ZNF468: variants seen among roughly 807,000 people sequenced by gnomAD.
The protein encoded by ZNF468 is zinc finger protein 468, also known as zinc finger protein ZNF468.
A neutral mutation model predicts 7.2 loss-of-function variants in ZNF468; 8 were observed. That is an observed-to-expected ratio of 1.11 (90% CI 0.65 to 2.01). The LOEUF (loss-of-function observed/expected upper bound fraction) is 2.01. ZNF468 is among the 30% of genes most tolerant of loss of function. The pLI, the probability that ZNF468 is intolerant of heterozygous loss-of-function variation, is 0.00. For synonymous variants in ZNF468, 218 were observed against 214.4 expected (o/e 1.02, Z -0.15); for missense variants, 608 against 626.5 (o/e 0.97, Z 0.31).
rs1833986777 is a variant in ZNF468, at chr19:52,849,215, T to C, written c.16-2A>G. 6.2e-7 allele frequency: 1 copy of C among 1,613,616 alleles called. No homozygotes were observed. Among genetic ancestry groups the C allele is most frequent in the Non-Finnish European group, 8.5e-7 (1 of 1,179,728 alleles). ...CACGTCCCTGAATGTCAATAGACCC[T>C]GAAATGAAAACACATTTTAACCAAA... On this transcript the variant is annotated splice_acceptor_variant, in intron 2 of 3. Transcript: ENST00000595646. LOFTEE classifies it high-confidence loss of function.
intron 3 of ZNF468, among the ~76,000 whole-genome samples, chr19:52,843,883 A>G (rs915012997): frequency 6.6e-6 from 1 of 152,112 alleles, no homozygotes; most frequent in Non-Finnish European, 1.5e-5. Flanking sequence ...GCATTTTGGT[A>G]GGCTGAGGTG....
intron 2 of ZNF468, among the ~76,000 whole-genome samples, chr19:52,850,791 C>T (rs1402596803): frequency 4.6e-5 from 7 of 151,464 alleles, no homozygotes; most frequent in African/African-American, 7.3e-5. Flanking sequence ...CCCAGCTACT[C>T]GGGAGGCTGA....
At chr19:52,850,009 A>G (rs1369442585) in intron 2 of ZNF468, among the ~76,000 whole-genome samples, 2 of 152,158 alleles carry the variant, frequency 1.3e-5, no homozygotes, top group East Asian at 1.9e-4. Context: ...ACAAAACACT[A>G]GATGTGAATA....
intron 1 of ZNF468, among the ~76,000 whole-genome samples, chr19:52,855,566 T>C (rs574344365): frequency 1.3e-5 from 2 of 152,198 alleles, no homozygotes; most frequent in East Asian, 3.9e-4. Context: ...AGGTGGAGGG[T>C]TCCCTGCCAG....
rs1339973759 is a variant in ZNF468, at chr19:52,840,634, T to C, written c.*91A>G. 1.3e-6 allele frequency: 2 copies of C among 1,595,584 alleles called. No homozygotes were observed. Among genetic ancestry groups the C allele is most frequent in the Non-Finnish European group, 1.7e-6 (2 of 1,163,812 alleles). ...TTGATTAAAAACCTTGCCACATTCA[T>C]TATGCTTGTAAGGTTTCTCTCCAGT... is the stretch of plus-strand genomic sequence containing the variant. On this transcript the variant is annotated 3_prime_UTR_variant, in exon 4 of 4. Coordinates refer to ENST00000595646, the MANE Select transcript of ZNF468 (RefSeq NM_001008801.2).
intron 2 of ZNF468, among the ~76,000 whole-genome samples, chr19:52,850,375 CTCTT>C (rs1365171347): frequency 7.2e-5 from 11 of 152,064 alleles, no homozygotes; most frequent in Non-Finnish European, 1.6e-4. Flanking sequence ...CACTATGGCA[CTCTT>C]TATACAGGGA....
In ZNF468 at chr19:52,840,186, TCA is replaced by T. The variant is rs576053207; in HGVS notation, c.*537_*538del. On this transcript the variant is annotated 3_prime_UTR_variant, in exon 4 of 4. Coordinates refer to ENST00000595646, the MANE Select transcript of ZNF468 (RefSeq NM_001008801.2). ...GCTGGATTTGTGAATGAAAACTTTG[TCA>T]CATTGTTCACGTTTGTAAGATTTCT... 1.4e-4 allele frequency: 52 copies of T among 382,824 alleles called. No individual in the cohort carries two copies. The highest frequency in any genetic ancestry group is 2.3e-4 in the Non-Finnish European group (45 of 194,236). 23.7% of individuals were successfully genotyped at this position (382,824 alleles called of 1,614,324 possible). A position where few individuals can be genotyped will look rare whatever the true frequency, so the allele number is the denominator to read the frequency against.
At position 52,841,419 on chromosome 19, in the gene ZNF468, A is replaced by G. The variant is rs147320757; in HGVS notation, c.875T>C (p.Leu292Pro). Reference protein sequence around the residue: ...HNSSLFIHKALHTGEKPYECE... With the variant: ...HNSSLFIHKAPHTGEKPYECE... ...TTCATAAGGTTTCTCTCCAGTATGA[A>G]GCGCTTTGTGAATGAAGAGGGATGA... is the stretch of plus-strand genomic sequence containing the variant. Residue 292 changes from leucine to proline, a missense_variant, in exon 4 of 4, where the codon CTT becomes CCT. Physicochemically the swap from Leu to Pro is moderately conservative, Grantham distance 98. Transcript: ENST00000595646. 145 of 1,613,994 alleles carry G rather than the reference A, an allele frequency of 9.0e-5. No individual in the cohort carries two copies. The African/African-American group carries it at 1.5e-3, about 17-fold the overall frequency.
intron 1 of ZNF468, among the ~76,000 whole-genome samples, chr19:52,855,397 T>C (rs2063428492): frequency 6.6e-6 from 1 of 152,158 alleles, no homozygotes; most frequent in Non-Finnish European, 1.5e-5. Context: ...GGAAGGATTT[T>C]GATGTTTGAA....
At chr19:52,849,750 A>AAG (rs1568681094) in intron 2 of ZNF468, 1 of 155,454 alleles carries the variant, frequency 6.4e-6, no homozygotes, top group African/African-American at 2.4e-5. Context: ...AAAAAAAAAA[A>AAG]AAAATTAGCC....
intron 3 of ZNF468, among the ~76,000 whole-genome samples, chr19:52,848,036 G>A (rs958531940): frequency 1.3e-5 from 2 of 152,144 alleles, no homozygotes; most frequent in South Asian, 2.1e-4. Flanking sequence ...AGGGGCTGGC[G>A]CCCTTCAGAA....
chr19:52,849,012 G>A (rs759362193), intron 3 of ZNF468, 75 bp downstream of exon 3: 1 of 1,126,648 alleles, frequency 8.9e-7, no homozygotes, highest in Non-Finnish European at 1.2e-6. Context: ...AAGGAACAAT[G>A]GGGTTCCTAA....
chr19:52,843,758 G>T (rs1168122106), intron 3 of ZNF468, among the ~76,000 whole-genome samples: 3 of 152,136 alleles, frequency 2.0e-5, no homozygotes, highest in Non-Finnish European at 4.4e-5. Context: ...TGTAAGAACT[G>T]AAATAGATGT....
chr19:52,856,883 C>G (rs1419616286), intron 1 of ZNF468, among the ~76,000 whole-genome samples: 3 of 152,112 alleles, frequency 2.0e-5, no homozygotes, highest in African/African-American at 7.2e-5. Context: ...CTACTGCTCT[C>G]TCAGTCCCTC....
intron 1 of ZNF468, among the ~76,000 whole-genome samples, chr19:52,856,880 T>C (rs1360684893): frequency 1.3e-5 from 2 of 152,152 alleles, no homozygotes; most frequent in East Asian, 1.9e-4. Context: ...TTTCTACTGC[T>C]CTCTCAGTCC....
At chr19:52,848,250 T>C (rs2063356351) in intron 3 of ZNF468, among the ~76,000 whole-genome samples, 2 of 152,142 alleles carry the variant, frequency 1.3e-5, no homozygotes, top group African/African-American at 4.8e-5. Flanking sequence ...GTCCAGGGCT[T>C]TTCCTTTGCT....
At chr19:52,847,462 C>A (rs1435070746) in intron 3 of ZNF468, among the ~76,000 whole-genome samples, 1 of 148,570 alleles carries the variant, frequency 6.7e-6, no homozygotes, top group Non-Finnish European at 1.5e-5. Flanking sequence ...CCCCGCCTGA[C>A]ACCTGTAAAG....
At chr19:52,847,352 G>A (rs371099849) in intron 3 of ZNF468, among the ~76,000 whole-genome samples, 2 of 151,352 alleles carry the variant, frequency 1.3e-5, no homozygotes, top group East Asian at 1.9e-4. Context: ...GCGGAAAGCC[G>A]CAGGGACCTC....
chr19:52,849,528 A>T (rs1026681142), intron 2 of ZNF468: 4 of 352,960 alleles, frequency 1.1e-5, no homozygotes, highest in Non-Finnish European at 1.5e-5. Context: ...AGTGACATTC[A>T]TTATCTAGAT....
Sources: gnomAD v4.1 joint callset for allele counts (sites outside exome capture counted in the v4.1 genomes callset) on GRCh38, gnomAD v4.1.1 for gene constraint, MANE v1.5 for transcripts, NCBI Gene and HGNC (gene_info 2026-07-23, HGNC 2026-07-21) for gene names.